EXTL3: variants seen among roughly 807,000 people sequenced by gnomAD.
The protein encoded by EXTL3 is exostosin like glycosyltransferase 3.
Under a neutral mutation model 69.3 loss-of-function variants are expected in EXTL3, and 27 were observed. That is an observed-to-expected ratio of 0.39 (90% CI 0.29 to 0.54). The LOEUF is 0.54. Ranked by LOEUF, EXTL3 falls within the 20% of genes least tolerant of loss-of-function variation. EXTL3 has a pLI of 0.69. For synonymous variants in EXTL3, 511 were observed against 499.4 expected (o/e 1.02, Z -0.31); for missense variants, 1,003 against 1,231.8 (o/e 0.81, Z 2.78).
upstream of EXTL3, chr8:28,701,161 C>T (rs1800777638): frequency 6.6e-6 from 1 of 152,272 alleles, no homozygotes; most frequent in African/African-American, 2.4e-5. Context: ...GGGGCCGGCG[C>T]CCCTGCGGAA....
chr8:28,740,481 A>C (rs1443875585), intron 5 of EXTL3: 1 of 152,002 alleles, frequency 6.6e-6, no homozygotes, highest in East Asian at 1.9e-4. Context: ...ATGGGTTTTC[A>C]CCATGTTGGT....
intron 1 of EXTL3, among the ~76,000 whole-genome samples, chr8:28,702,342 C>T (rs901115441): frequency 2.0e-5 from 3 of 152,190 alleles, no homozygotes; most frequent in African/African-American, 7.2e-5. Flanking sequence ...CGGGCTGGAC[C>T]GGACAGGGGT....
In EXTL3 at chr8:28,750,984, G is replaced by GA; in HGVS notation, c.*120dup. The GA allele has an allele frequency of 1.2e-6, 1 of 844,402 alleles. No homozygotes were observed. Among genetic ancestry groups the GA allele is most frequent in the Non-Finnish European group, 1.9e-6 (1 of 522,224 alleles). The allele number at this position is 844,402 out of a possible 1,614,324, so 52.3% of individuals were successfully genotyped here. On this transcript the variant is annotated 3_prime_UTR_variant, in exon 7 of 7. Transcript: ENST00000220562. The surrounding 1 kb of genome is among the most constrained non-coding windows in gnomAD (Gnocchi z 5.2). ...GGTGGGTGGCCCAGAGCCTCTGCTG[G>GA]AAGGGGCAGCAGGAGGAGTGGAAGG...
At chr8:28,748,371 A>AAG (rs1477196329) in intron 6 of EXTL3, among the ~76,000 whole-genome samples, 2 of 151,972 alleles carry the variant, frequency 1.3e-5, no homozygotes, top group Non-Finnish European at 2.9e-5. Context: ...ACTGTCTCAA[A>AAG]AAAAAAAAAA....
chr8:28,717,149 G>A lies in EXTL3; in HGVS notation c.1090G>A (p.Glu364Lys), dbSNP rs777463050. ...RSSLQEARSFEEEMEGDPPAD... is the reference protein window; with the variant it reads ...RSSLQEARSFKEEMEGDPPAD... ...TAGCCTTCAGGAGGCCCGCTCCTTC[G>A]AAGAGGAAATGGAGGGCGACCCTCC... The change falls in exon 3 of 7, where the codon GAA becomes AAA. Residue 364 changes from glutamate to lysine, a missense_variant. This residue lies in a region of EXTL3 where 742 missense variants were observed against 815.4 expected (regional missense o/e 0.91). Coordinates refer to ENST00000220562, the MANE Select transcript of EXTL3 (RefSeq NM_001440.4). This position sits in a 1 kb window ranked among gnomAD's most constrained non-coding sequence, Gnocchi z 8.3. The A allele has an allele frequency of 6.2e-6, 10 of 1,614,226 alleles. No individual in the cohort carries two copies. Among genetic ancestry groups the A allele is most frequent in the South Asian group, 2.2e-5 (2 of 91,080 alleles).
At chr8:28,644,260 T>TA (rs1806792652) in intron 1 of EXTL3, among the ~76,000 whole-genome samples, 1 of 152,238 alleles carries the variant, frequency 6.6e-6, no homozygotes, top group Non-Finnish European at 1.5e-5. Context: ...AGATCACAAT[T>TA]ATCAGTTTCA....
intron 1 of EXTL3, among the ~76,000 whole-genome samples, chr8:28,671,810 T>C (rs940987940): frequency 2.6e-5 from 4 of 152,198 alleles, no homozygotes; most frequent in African/African-American, 9.7e-5. Context: ...AATAACATTG[T>C]GGGCATGATT....
chr8:28,609,699 G>A (rs915538062), intron 2 of EXTL3, among the ~76,000 whole-genome samples: 1 of 152,010 alleles, frequency 6.6e-6, no homozygotes, highest in African/African-American at 2.4e-5. Context: ...GGCTAGCCTG[G>A]TCAACATGGC....
At chr8:28,694,877 G>A (rs1445806626) in intron 1 of EXTL3, among the ~76,000 whole-genome samples, 1 of 152,012 alleles carries the variant, frequency 6.6e-6, no homozygotes, top group Admixed American at 6.5e-5. Context: ...GCTGGGCGTG[G>A]TGGCACATGC....
intron 5 of EXTL3, chr8:28,740,490 G>A (rs576196243): frequency 6.6e-6 from 1 of 152,228 alleles, no homozygotes; most frequent in Admixed American, 6.5e-5. Context: ...CACCATGTTG[G>A]TCAGGCTGGT....
At chr8:28,640,186 C>T (rs1301089848) in intron 1 of EXTL3, among the ~76,000 whole-genome samples, 1 of 152,046 alleles carries the variant, frequency 6.6e-6, no homozygotes, top group Non-Finnish European at 1.5e-5. Context: ...TGAAATATCC[C>T]CAATATTACA....
chr8:28,624,229 A>G (rs1156293473), intron 1 of EXTL3, among the ~76,000 whole-genome samples: 1 of 152,210 alleles, frequency 6.6e-6, no homozygotes, highest in Admixed American at 6.5e-5. Context: ...TGAATTGCCT[A>G]TTACATACAA....
Position 28,687,452 on chromosome 8 carries a change from C to T in EXTL3, c.-52-26005C>T, listed in dbSNP as rs200017121. ...CTGCACTCCAGCCTGGGCAACAGAG[C>T]GAGACTCCATCTCAAAAAGGAAAAA... On this transcript the variant is annotated intron_variant, in intron 1 of 6. Coordinates refer to the EXTL3 transcript ENST00000523149. Among the ~76,000 whole-genome samples, 5 of 151,884 alleles carry T rather than the reference C, an allele frequency of 3.3e-5. 1 individual carries two copies. Among genetic ancestry groups the T allele is most frequent in the South Asian group, 4.1e-4 (2 of 4,820 alleles).
chr8:28,724,838 A>G (rs1226787017), intron 3 of EXTL3, among the ~76,000 whole-genome samples: 3 of 151,872 alleles, frequency 2.0e-5, no homozygotes, highest in Non-Finnish European at 4.4e-5. Context: ...TCCTCTTTCT[A>G]TCATCTTCTC....
rs1335362436 is a variant in EXTL3 at position 28,717,298 on chromosome 8, A to G, written c.1239A>G (p.Ala413=). The G allele has an allele frequency of 1.2e-6, 2 of 1,614,218 alleles. No individual in the cohort carries two copies. The highest frequency in any genetic ancestry group is 1.7e-6 in the Non-Finnish European group (2 of 1,180,028). The part of the protein sequence containing the change: ...QPKPSLPTEW[A]LCGEREDRLE... The stretch of plus-strand genomic sequence containing the variant: ...AACCCAGCCTGCCGACTGAGTGGGC[A>G]CTGTGTGGAGAGCGGGAGGACCGCT... Residue 413 remains alanine (A), a synonymous_variant, in exon 3 of 7, where the codon GCA becomes GCG. Transcript: ENST00000220562. This position sits in a 1 kb window ranked among gnomAD's most constrained non-coding sequence, Gnocchi z 8.3.
chr8:28,751,128 G>A lies in EXTL3; in HGVS notation c.*262G>A. The A allele has an allele frequency of 1.9e-6, 1 of 523,558 alleles. No homozygotes were observed. Among genetic ancestry groups the A allele is most frequent in the Non-Finnish European group, 3.5e-6 (1 of 288,606 alleles). 32.4% of individuals were successfully genotyped at this position (523,558 alleles called of 1,614,324 possible). A position where few individuals can be genotyped will look rare whatever the true frequency, so the allele number is the denominator to read the frequency against. ...TTACACTGAGGACTGTGGCGACTCT[G>A]CAGAGTCACTCACACCGTTCGTACG... On this transcript the variant is annotated 3_prime_UTR_variant, in exon 7 of 7. Transcript: ENST00000220562.
Position 28,717,842 on chromosome 8 carries a change from C to T in EXTL3, c.1783C>T (p.Leu595=). ...ACCCAGATACCTCCGCAATTTCACTCTGACTGTCACTGACTTTTACCGCAG... is the reference window on the plus strand; with the variant it reads ...ACCCAGATACCTCCGCAATTTCACTTTGACTGTCACTGACTTTTACCGCAG... The part of the protein sequence containing the change: ...ASPRYLRNFT[L]TVTDFYRSWN... Residue 595 remains leucine (L), a synonymous_variant, in exon 3 of 7, where the codon CTG becomes TTG. Transcript: ENST00000220562. This position sits in a 1 kb window ranked among gnomAD's most constrained non-coding sequence, Gnocchi z 8.3. 2 of 1,611,986 alleles carry T rather than the reference C, an allele frequency of 1.2e-6. No individual in the cohort carries two copies. The highest frequency in any genetic ancestry group is 1.7e-5 in the Admixed American group (1 of 59,986).
intron 4 of EXTL3, among the ~76,000 whole-genome samples, chr8:28,735,294 A>G (rs909346627): frequency 6.6e-6 from 1 of 152,108 alleles, no homozygotes; most frequent in Non-Finnish European, 1.5e-5. Context: ...ATAGTCGTGG[A>G]GTGTTAACAG....
In EXTL3 at chr8:28,746,744, C is replaced by T. The variant is rs144060871; in HGVS notation, c.2550+3530C>T. Among the ~76,000 whole-genome samples, 213 of 152,214 alleles carry T rather than the reference C, an allele frequency of 1.4e-3. 1 individual carries two copies. Among genetic ancestry groups the T allele is most frequent in the African/African-American group, 4.6e-3 (190 of 41,540 alleles). On this transcript the variant is annotated intron_variant, in intron 6 of 6. Transcript: ENST00000220562. Reference sequence around the variant, plus strand: ...AGGCTGGAGTGCAGTGGTGCAATCTCGGCTCACTGCAACCTCTGCCTCCCG... The same window carrying T: ...AGGCTGGAGTGCAGTGGTGCAATCTTGGCTCACTGCAACCTCTGCCTCCCG...
Sources: gnomAD v4.1 joint callset for allele counts (sites outside exome capture counted in the v4.1 genomes callset) on GRCh38, gnomAD v4.1.1 for gene constraint, gnomAD v4.1.1 regional missense constraint, Gnocchi (gnomAD v3.1) non-coding constraint, MANE v1.5 for transcripts, NCBI Gene and HGNC (gene_info 2026-07-23, HGNC 2026-07-21) for gene names.